B3GALT1: variants seen among roughly 807,000 people sequenced by gnomAD.
B3GALT1 encodes the protein UDP-Gal:betaGlcNAc beta 1,3-galactosyltransferase, polypeptide 1.
In B3GALT1, 10 loss-of-function variants were observed where a neutral mutation model predicts 23.2. That is an observed-to-expected ratio of 0.43 (90% CI 0.27 to 0.73). The LOEUF (loss-of-function observed/expected upper bound fraction) is 0.73. B3GALT1 is among the 30% of genes least tolerant of loss of function. B3GALT1 has a pLI of 0.21. For missense variants in B3GALT1, 299 were observed against 405.4 expected (o/e 0.74, Z 2.25); for synonymous variants, 156 against 141.5 (o/e 1.10, Z -0.73).
intron 3 of B3GALT1, among the ~76,000 whole-genome samples, chr2:167,769,396 A>T (rs1358280657): frequency 1.3e-4 from 20 of 152,122 alleles, no homozygotes; most frequent in Admixed American, 1.3e-3. Flanking sequence ...CGGTACTTTG[A>T]ATTTTTATTT....
At chr2:167,735,478 C>G (rs1330926305) in intron 3 of B3GALT1, among the ~76,000 whole-genome samples, 2 of 152,226 alleles carry the variant, frequency 1.3e-5, no homozygotes, top group African/African-American at 2.4e-5. Flanking sequence ...TCTCCCTGTG[C>G]TTTGCTGTCT....
intron 2 of B3GALT1, among the ~76,000 whole-genome samples, chr2:167,552,239 A>G (rs551134564): frequency 2.5e-4 from 38 of 152,144 alleles, no homozygotes; most frequent in Non-Finnish European, 4.9e-4. Flanking sequence ...GTTAATACCA[A>G]TGATTCCTTG....
intron 4 of B3GALT1, among the ~76,000 whole-genome samples, chr2:167,862,196 T>C (rs1690115232): frequency 6.6e-6 from 1 of 152,220 alleles, no homozygotes; most frequent in East Asian, 1.9e-4. Context: ...CATGAGATTA[T>C]GAGGGCTGAG....
intron 3 of B3GALT1, among the ~76,000 whole-genome samples, chr2:167,654,440 G>T (rs1359706367): frequency 6.6e-6 from 1 of 152,104 alleles, no homozygotes; most frequent in Non-Finnish European, 1.5e-5. Flanking sequence ...AAATAACTCT[G>T]AAAGTCTGCG....
At chr2:167,618,616 A>G (rs1685203060) in intron 2 of B3GALT1, among the ~76,000 whole-genome samples, 1 of 151,932 alleles carries the variant, frequency 6.6e-6, no homozygotes, top group South Asian at 2.1e-4. Context: ...TCTTCATAAC[A>G]AAAAAAATTT....
chr2:167,821,971 T>C (rs1041696116), intron 4 of B3GALT1, among the ~76,000 whole-genome samples: 2 of 152,204 alleles, frequency 1.3e-5, no homozygotes, highest in African/African-American at 4.8e-5. Context: ...GTATCCTTAA[T>C]ATAGTCTAGG....
chr2:167,773,849 C>G (rs1000228972), intron 3 of B3GALT1, among the ~76,000 whole-genome samples: 2 of 152,344 alleles, frequency 1.3e-5, no homozygotes, highest in Admixed American at 1.3e-4. Context: ...AGTGGTCATT[C>G]ATTCTTGCCA....
chr2:167,308,963 A>G (rs1696592589), intron 1 of B3GALT1, among the ~76,000 whole-genome samples: 1 of 152,080 alleles, frequency 6.6e-6, no homozygotes, highest in Non-Finnish European at 1.5e-5. Flanking sequence ...TTTTAGTCAT[A>G]TTCATTGTCA....
intron 1 of B3GALT1, among the ~76,000 whole-genome samples, chr2:167,348,770 G>A (rs1420875372): frequency 6.6e-6 from 1 of 152,020 alleles, no homozygotes; most frequent in Non-Finnish European, 1.5e-5. Flanking sequence ...GATTACCTCA[G>A]TTAAAAGTGC....
intron 1 of B3GALT1, among the ~76,000 whole-genome samples, chr2:167,451,706 G>T (rs781575090): frequency 1.3e-5 from 2 of 152,180 alleles, no homozygotes; most frequent in Non-Finnish European, 2.9e-5. Flanking sequence ...GAGAACATCA[G>T]CTGAGGTAGT....
intron 3 of B3GALT1, among the ~76,000 whole-genome samples, chr2:167,813,145 G>GT (rs569603779): frequency 1.3e-5 from 2 of 152,182 alleles, no homozygotes; most frequent in South Asian, 2.1e-4. Flanking sequence ...AAATAACACA[G>GT]TTTTTTTGAA....
intron 1 of B3GALT1, among the ~76,000 whole-genome samples, chr2:167,418,648 CT>C (rs1209920755): frequency 6.6e-6 from 1 of 151,452 alleles, no homozygotes; most frequent in Admixed American, 6.6e-5. Flanking sequence ...GCTGAAGCCA[CT>C]TTCCCAATTT....
intron 2 of B3GALT1, among the ~76,000 whole-genome samples, chr2:167,525,380 A>G (rs1683202193): frequency 6.6e-6 from 1 of 152,024 alleles, no homozygotes; most frequent in South Asian, 2.1e-4. Flanking sequence ...AGAACATTTC[A>G]CATTTATTAT....
chr2:167,594,701 T>C (rs1355000758), intron 2 of B3GALT1, among the ~76,000 whole-genome samples: 1 of 152,088 alleles, frequency 6.6e-6, no homozygotes, highest in Non-Finnish European at 1.5e-5. Context: ...TCACCTGAGG[T>C]CATGAGTTCA....
At chr2:167,656,221 GC>G (rs1197128626) in intron 3 of B3GALT1, among the ~76,000 whole-genome samples, 6 of 152,090 alleles carry the variant, frequency 3.9e-5, no homozygotes, top group Admixed American at 2.6e-4. Flanking sequence ...TTTAGAGAGT[GC>G]CCTCCCACTC....
intron 1 of B3GALT1, among the ~76,000 whole-genome samples, chr2:167,414,494 C>G (rs549841419): frequency 5.3e-5 from 8 of 152,152 alleles, no homozygotes; most frequent in African/African-American, 1.9e-4. Context: ...CATAATTAAC[C>G]ATTTGTTCCC....
intron 4 of B3GALT1, among the ~76,000 whole-genome samples, chr2:167,856,251 T>C (rs534554681): frequency 3.3e-5 from 5 of 152,262 alleles, no homozygotes; most frequent in African/African-American, 4.8e-5. Context: ...GTTTTCTATT[T>C]ATGAAAAACA....
At chr2:167,407,821 T>G (rs1377562362) in intron 1 of B3GALT1, among the ~76,000 whole-genome samples, 1 of 151,980 alleles carries the variant, frequency 6.6e-6, no homozygotes, top group East Asian at 1.9e-4. Flanking sequence ...AGTAACAAGA[T>G]TTAAGCCATA....
At chr2:167,559,904 T>G (rs1377074457) in intron 2 of B3GALT1, among the ~76,000 whole-genome samples, 2 of 152,010 alleles carry the variant, frequency 1.3e-5, no homozygotes, top group Non-Finnish European at 2.9e-5. Flanking sequence ...CAGGAGAACT[T>G]CCCCAATCTA....
Sources: gnomAD v4.1 joint callset for allele counts (sites outside exome capture counted in the v4.1 genomes callset) on GRCh38, gnomAD v4.1.1 for gene constraint, MANE v1.5 for transcripts, NCBI Gene and HGNC (gene_info 2026-07-23, HGNC 2026-07-21) for gene names.